Variants in PTPRD observed in about 807,000 individuals in gnomAD.
PTPRD encodes receptor-type tyrosine-protein phosphatase delta.
In PTPRD, 34 loss-of-function variants were observed where a neutral mutation model predicts 214.5. That is an observed-to-expected ratio of 0.16 (90% CI 0.12 to 0.21). The LOEUF (loss-of-function observed/expected upper bound fraction) is 0.21, where lower values mean the gene tolerates loss of function less well. PTPRD is among the 10% of genes least tolerant of loss of function. The probability of loss-of-function intolerance (pLI) is 1.00; values close to 1 mark genes in which losing one functional copy is unlikely to be tolerated. For missense variants in PTPRD, 2,545 were observed against 2,398.7 expected, an observed-to-expected ratio of 1.06 and a Z score of -1.27; for synonymous variants, 1,128 against 845.7, an observed-to-expected ratio of 1.33 and a Z score of -5.79.
intron 44 of PTPRD, among the ~76,000 whole-genome samples, chr9:8,320,175 A>G (rs1216875033): frequency 6.6e-6 from 1 of 152,110 alleles, no homozygotes; most frequent in Non-Finnish European, 1.5e-5. Context: ...AGTAATTAGG[A>G]GTAAGTCTAA....
intron 9 of PTPRD, among the ~76,000 whole-genome samples, chr9:9,315,833 C>CTT (rs566821610): frequency 0.018 from 1,636 of 93,314 alleles, 92 homozygotes; most frequent in African/African-American, 0.05. Flanking sequence ...TAGCAGACAA[C>CTT]TTTTTTTTTT....
intron 35 of PTPRD, among the ~76,000 whole-genome samples, chr9:8,408,170 T>C (rs578159082): frequency 6.6e-6 from 1 of 152,304 alleles, no homozygotes; most frequent in South Asian, 2.1e-4. Context: ...CTGAGGAATG[T>C]AAAAGTTGAC....
At chr9:10,002,266 C>A (rs1292177306) in intron 4 of PTPRD, among the ~76,000 whole-genome samples, 1 of 148,416 alleles carries the variant, frequency 6.7e-6, no homozygotes, top group Non-Finnish European at 1.5e-5. Context: ...AAAAAAGACA[C>A]AAGACATACA....
chr9:8,433,251 G>C (rs966806608), intron 35 of PTPRD, among the ~76,000 whole-genome samples: 1 of 152,192 alleles, frequency 6.6e-6, no homozygotes, highest in Non-Finnish European at 1.5e-5. Flanking sequence ...AGAGATGTTG[G>C]TGTAATTAAA....
At chr9:9,522,855 T>C (rs1398508474) in intron 8 of PTPRD, among the ~76,000 whole-genome samples, 1 of 152,132 alleles carries the variant, frequency 6.6e-6, no homozygotes, top group Non-Finnish European at 1.5e-5. Flanking sequence ...TCTCCAGCTG[T>C]GCCACCTCCC....
intron 2 of PTPRD, among the ~76,000 whole-genome samples, chr9:10,341,868 G>T (rs931548809): frequency 3.3e-5 from 5 of 151,058 alleles, no homozygotes; most frequent in African/African-American, 1.2e-4. Flanking sequence ...AGTTCCATAT[G>T]TATTGTTAAT....
chr9:9,034,340 C>T (rs927026008), intron 10 of PTPRD, among the ~76,000 whole-genome samples: 2 of 152,112 alleles, frequency 1.3e-5, no homozygotes, highest in Non-Finnish European at 1.5e-5. Context: ...GAATGGAGTC[C>T]CAGCTCTTCC....
chr9:10,043,724 A>G (rs1338537699), intron 3 of PTPRD, among the ~76,000 whole-genome samples: 1 of 151,894 alleles, frequency 6.6e-6, no homozygotes, highest in Non-Finnish European at 1.5e-5. Flanking sequence ...CCAAGGAGAC[A>G]TTCTAGGTAA....
intron 6 of PTPRD, among the ~76,000 whole-genome samples, chr9:9,751,817 C>G (rs10977948): frequency 0.046 from 7,029 of 152,084 alleles, 747 homozygotes; most frequent in East Asian, 0.4. Context: ...TCAGTTTGTA[C>G]TACTTTGCAA....
At chr9:9,800,143 C>T (rs1026206070) in intron 5 of PTPRD, among the ~76,000 whole-genome samples, 2 of 152,154 alleles carry the variant, frequency 1.3e-5, no homozygotes, top group Admixed American at 6.6e-5. Flanking sequence ...ATACCACACT[C>T]TTTTGGGATT....
At chr9:9,592,401 T>G (rs2092822222) in intron 7 of PTPRD, among the ~76,000 whole-genome samples, 1 of 152,096 alleles carries the variant, frequency 6.6e-6, no homozygotes, top group South Asian at 2.1e-4. Flanking sequence ...CCATGTATGC[T>G]TATATGTTCA....
At chr9:9,098,343 G>C (rs542378787) in intron 10 of PTPRD, among the ~76,000 whole-genome samples, 44 of 152,126 alleles carry the variant, frequency 2.9e-4, no homozygotes, top group Middle Eastern at 6.8e-3. Context: ...TGCAGCCTCC[G>C]TCTACTGGGT....
In PTPRD at chr9:9,961,869, A is replaced by C. The variant is rs544400256; in HGVS notation, c.-471-23259T>G. Among the ~76,000 whole-genome samples, 258 of 152,272 alleles carry C rather than the reference A, an allele frequency of 1.7e-3. 1 individual carries two copies. The highest frequency in any genetic ancestry group is 5.8e-3 in the African/African-American group (242 of 41,564). ...TATGTCTCTTATTAGTCATGGTATT[A>C]TTTCCACTAGTGCTTTTAAAAACAA... On this transcript the variant is annotated intron_variant, in intron 4 of 45. Coordinates refer to ENST00000381196, the MANE Select transcript of PTPRD (RefSeq NM_002839.4).
At chr9:9,326,509 G>T (rs1232044528) in intron 9 of PTPRD, among the ~76,000 whole-genome samples, 2 of 152,010 alleles carry the variant, frequency 1.3e-5, no homozygotes, top group Non-Finnish European at 2.9e-5. Flanking sequence ...GCTAGTAAGT[G>T]AGGGGTAATA....
intron 12 of PTPRD, among the ~76,000 whole-genome samples, chr9:8,714,447 C>T (rs540330422): frequency 6.6e-6 from 1 of 152,282 alleles, no homozygotes; most frequent in African/African-American, 2.4e-5. Flanking sequence ...ACATCACTAG[C>T]AAACTCCTAA....
At chr9:10,217,758 G>C (rs965231578) in intron 3 of PTPRD, among the ~76,000 whole-genome samples, 29 of 152,032 alleles carry the variant, frequency 1.9e-4, no homozygotes, top group African/African-American at 6.7e-4. Context: ...CATGTGCCCA[G>C]GCCATTGGGA....
intron 3 of PTPRD, among the ~76,000 whole-genome samples, chr9:10,158,022 T>TGTTTGTTC (rs2099104552): frequency 6.6e-6 from 1 of 152,000 alleles, no homozygotes; most frequent in African/African-American, 2.4e-5. Flanking sequence ...TTTGTTTGTT[T>TGTTTGTTC]GTTTTTGACA....
intron 2 of PTPRD, among the ~76,000 whole-genome samples, chr9:10,403,192 T>C (rs924484359): frequency 1.4e-5 from 2 of 143,714 alleles, no homozygotes; most frequent in African/African-American, 5.0e-5. Context: ...TTTTTCCATT[T>C]GCTTTTGTTT....
At chr9:9,351,007 T>C (rs1199217061) in intron 9 of PTPRD, among the ~76,000 whole-genome samples, 1 of 152,004 alleles carries the variant, frequency 6.6e-6, no homozygotes, top group Non-Finnish European at 1.5e-5. Context: ...AGAATTTCTG[T>C]GAAAGTTCAC....
Sources: allele counts gnomAD v4.1 joint callset (sites outside exome capture counted in the v4.1 genomes callset), GRCh38; gene constraint gnomAD v4.1.1; transcripts MANE v1.5; gene names NCBI Gene and HGNC (gene_info 2026-07-23, HGNC 2026-07-21).